The following DTNA variants were observed in gnomAD, a reference collection of about 807,000 sequenced individuals.
DTNA encodes the protein dystrobrevin alpha, also known as dystrophin-related protein 3.
Under a neutral mutation model 100.7 loss-of-function variants are expected in DTNA, and 43 were observed. The observed-to-expected ratio is 0.43, with a 90% confidence interval of 0.33 to 0.55. The LOEUF is 0.55. DTNA is among the 20% of genes least tolerant of loss of function. The pLI, the probability that DTNA is intolerant of heterozygous loss-of-function variation, is 0.04. For missense variants in DTNA, 798 were observed against 953.9 expected, an observed-to-expected ratio of 0.84 and a Z score of 2.15; for synonymous variants, 349 against 347.9, an observed-to-expected ratio of 1.00 and a Z score of -0.04.
intron 1 of DTNA, among the ~76,000 whole-genome samples, chr18:34,731,716 G>C (rs891889999): frequency 8.0e-4 from 122 of 152,228 alleles, no homozygotes; most frequent in African/African-American, 2.6e-3. Flanking sequence ...TTCCCTGATG[G>C]CAGAAACTGT....
intron 1 of DTNA, among the ~76,000 whole-genome samples, chr18:34,697,458 GATAGTTA>G (rs751930829): frequency 9.2e-5 from 14 of 152,174 alleles, no homozygotes; most frequent in Non-Finnish European, 1.8e-4. Flanking sequence ...TGGCTGACAG[GATAGTTA>G]ATCATGGCCT....
intron 3 of DTNA, among the ~76,000 whole-genome samples, chr18:34,774,566 A>G (rs1325729641): frequency 6.6e-6 from 1 of 152,250 alleles, no homozygotes; most frequent in Admixed American, 6.5e-5. Context: ...CTGCATGCCA[A>G]GCATTATTCT....
intron 1 of DTNA, among the ~76,000 whole-genome samples, chr18:34,500,004 G>T (rs1439355394): frequency 6.6e-6 from 1 of 151,958 alleles, no homozygotes; most frequent in Non-Finnish European, 1.5e-5. Context: ...CTCCCACTTT[G>T]TTTTTCTTTT....
intron 1 of DTNA, among the ~76,000 whole-genome samples, chr18:34,510,549 C>T (rs1366023709): frequency 1.3e-5 from 2 of 150,458 alleles, no homozygotes; most frequent in Non-Finnish European, 3.0e-5. Context: ...CAGAGCTAGT[C>T]TTCGGCATAG....
intron 1 of DTNA, among the ~76,000 whole-genome samples, chr18:34,586,075 G>A (rs1365375950): frequency 6.6e-6 from 1 of 152,200 alleles, no homozygotes; most frequent in Non-Finnish European, 1.5e-5. Flanking sequence ...TACTGCTAAA[G>A]GAGCTATGCT....
At chr18:34,725,253 A>C (rs938059679) in intron 1 of DTNA, among the ~76,000 whole-genome samples, 4 of 152,216 alleles carry the variant, frequency 2.6e-5, no homozygotes, top group Non-Finnish European at 4.4e-5. Context: ...AATGGGATCT[A>C]ATTAAACTAA....
chr18:34,760,832 G>A (rs1451061423), intron 2 of DTNA, among the ~76,000 whole-genome samples: 1 of 152,154 alleles, frequency 6.6e-6, no homozygotes, highest in African/African-American at 2.4e-5. Context: ...TACATTTTGT[G>A]TGCTTGTTGA....
chr18:34,526,768 ATTC>A (rs559228501), intron 1 of DTNA, among the ~76,000 whole-genome samples: 1 of 152,056 alleles, frequency 6.6e-6, no homozygotes, highest in East Asian at 1.9e-4. Context: ...TTTTTTGCTC[ATTC>A]TTAAAATTTT....
chr18:34,747,665 A>G (rs143615384), intron 1 of DTNA, among the ~76,000 whole-genome samples: 241 of 152,272 alleles, frequency 1.6e-3, no homozygotes, highest in African/African-American at 5.5e-3. Flanking sequence ...GCTCCAAAAT[A>G]CATTATTTCA....
intron 1 of DTNA, among the ~76,000 whole-genome samples, chr18:34,545,629 G>A (rs1264530442): frequency 1.3e-5 from 2 of 151,930 alleles, no homozygotes; most frequent in Non-Finnish European, 2.9e-5. Flanking sequence ...CTTGTTTAAG[G>A]AATATGAGTA....
At chr18:34,668,889 G>A (rs1438879961) in intron 1 of DTNA, among the ~76,000 whole-genome samples, 4 of 152,156 alleles carry the variant, frequency 2.6e-5, no homozygotes, top group African/African-American at 9.7e-5. Flanking sequence ...GTGCTGAGAA[G>A]AAGGTATATT....
chr18:34,530,323 G>C (rs1343268915), intron 1 of DTNA, among the ~76,000 whole-genome samples: 1 of 151,948 alleles, frequency 6.6e-6, no homozygotes, highest in East Asian at 1.9e-4. Flanking sequence ...TTTACTCTTA[G>C]TCCTCTCTGT....
chr18:34,525,320 A>G (rs1238060734), intron 1 of DTNA, among the ~76,000 whole-genome samples: 1 of 152,110 alleles, frequency 6.6e-6, no homozygotes, highest in East Asian at 1.9e-4. Flanking sequence ...CAGAGGTGCC[A>G]TTCCTCTGCT....
At chr18:34,767,083 T>G (rs1266872973) in intron 3 of DTNA, among the ~76,000 whole-genome samples, 1 of 152,236 alleles carries the variant, frequency 6.6e-6, no homozygotes, top group Non-Finnish European at 1.5e-5. Flanking sequence ...TCTTTTCTTT[T>G]TAAAAAGTTT....
chr18:34,582,085 T>G (rs1255869931), intron 1 of DTNA, among the ~76,000 whole-genome samples: 1 of 123,174 alleles, frequency 8.1e-6, no homozygotes, highest in Non-Finnish European at 1.7e-5. Flanking sequence ...TAAGGCCAAG[T>G]TCAAATTGAA....
intron 1 of DTNA, among the ~76,000 whole-genome samples, chr18:34,613,378 C>A (rs2054603081): frequency 6.6e-6 from 1 of 152,158 alleles, no homozygotes; most frequent in African/African-American, 2.4e-5. Context: ...AGGAAGGATC[C>A]TGTGTCTCTC....
chr18:34,745,117 G>A (rs1324217646), intron 1 of DTNA, among the ~76,000 whole-genome samples: 3 of 152,024 alleles, frequency 2.0e-5, no homozygotes, highest in East Asian at 1.9e-4. Flanking sequence ...AAGTAGTGTC[G>A]TGGCTATTAC....
At position 34,879,564 on chromosome 18, in the gene DTNA, AAC is replaced by A; in HGVS notation, c.2009_2010del (p.Thr670ArgfsTer3). 6.2e-7 allele frequency: 1 copy of A among 1,614,032 alleles called. No homozygotes were observed. The highest frequency in any genetic ancestry group is 8.5e-7 in the Non-Finnish European group (1 of 1,179,962). On this transcript the variant is annotated frameshift_variant, in exon 20 of 23. Transcript: ENST00000444659. ...KELNSEVGSE[T>X]ESNVDSEFAR... is the part of the protein sequence containing the mutation. The stretch of plus-strand genomic sequence containing the variant: ...TGTATCTGCTAGAGGTTGGGAGTGA[AAC>A]AGAGAGTAATGTGGATTCTGAATTT...
At chr18:34,827,236 C>G (rs2095878831) in intron 9 of DTNA, among the ~76,000 whole-genome samples, 1 of 151,934 alleles carries the variant, frequency 6.6e-6, no homozygotes, top group Non-Finnish European at 1.5e-5. Context: ...ATTCAATGAT[C>G]AGGTCTTCAA....
Sources: allele counts gnomAD v4.1 joint callset (sites outside exome capture counted in the v4.1 genomes callset), GRCh38; gene constraint gnomAD v4.1.1; transcripts MANE v1.5; gene names NCBI Gene and HGNC (gene_info 2026-07-23, HGNC 2026-07-21).